Variants in LARP4 observed in about 807,000 individuals in gnomAD.
LARP4 encodes the protein La ribonucleoprotein 4, also known as la-related protein 4.
Under a neutral mutation model 92.9 loss-of-function variants are expected in LARP4, and 29 were observed. The observed-to-expected ratio is 0.31, with a 90% CI of 0.23 to 0.43. LARP4 has a LOEUF of 0.43. Ranked by LOEUF, LARP4 falls within the 20% of genes least tolerant of loss-of-function variation. The probability of loss-of-function intolerance (pLI) is 1.00; values close to 1 mark genes in which losing one functional copy is unlikely to be tolerated. For synonymous variants in LARP4, 279 were observed against 284.1 expected (o/e 0.98, Z 0.18); for missense variants, 732 against 860.0 (o/e 0.85, Z 1.86).
intron 13 of LARP4, among the ~76,000 whole-genome samples, chr12:50,469,622 A>AC (rs1464245956): frequency 1.3e-5 from 2 of 149,290 alleles, no homozygotes; most frequent in Non-Finnish European, 3.0e-5. Flanking sequence ...AAAAAAAAAA[A>AC]AGTAAAGGCG....
chr12:50,416,087 G>A (rs1282641996), intron 1 of LARP4, among the ~76,000 whole-genome samples: 1 of 152,194 alleles, frequency 6.6e-6, no homozygotes, highest in Non-Finnish European at 1.5e-5. Flanking sequence ...ATGGAAGGAA[G>A]TGAAGGTTCT....
At chr12:50,462,328 A>T (rs1955515408) in intron 11 of LARP4, among the ~76,000 whole-genome samples, 1 of 152,016 alleles carries the variant, frequency 6.6e-6, no homozygotes, top group South Asian at 2.1e-4. Context: ...ACAAATACCA[A>T]AATTAGCTGG....
intron 14 of LARP4, 108 bp from the exon 15 acceptor site, chr12:50,473,891 C>CA (rs1424360581): frequency 5.9e-6 from 5 of 847,126 alleles, no homozygotes; most frequent in Non-Finnish European, 9.2e-6. Context: ...GCCTGGGTGA[C>CA]AGAGTGAGAC....
chr12:50,469,384 C>G (rs1956610836), intron 13 of LARP4, among the ~76,000 whole-genome samples: 2 of 152,180 alleles, frequency 1.3e-5, no homozygotes, highest in South Asian at 4.1e-4. Flanking sequence ...GCAGGCAGAT[C>G]ACGAAGTCAG....
intron 10 of LARP4, among the ~76,000 whole-genome samples, chr12:50,455,173 T>G (rs947606408): frequency 1.3e-5 from 2 of 152,168 alleles, no homozygotes; most frequent in Non-Finnish European, 2.9e-5. Flanking sequence ...GTATTTTTCT[T>G]TATGTAGACA....
At chr12:50,405,417 A>T (rs1201371070) in intron 1 of LARP4, among the ~76,000 whole-genome samples, 4 of 150,948 alleles carry the variant, frequency 2.6e-5, no homozygotes, top group Non-Finnish European at 5.9e-5. Flanking sequence ...ATAGTAATTT[A>T]AAAAAATTTT....
chr12:50,410,464 A>G (rs924269453), intron 1 of LARP4, among the ~76,000 whole-genome samples: 21 of 145,792 alleles, frequency 1.4e-4, no homozygotes, highest in African/African-American at 5.1e-4. Context: ...GGAGTGCAGT[A>G]GTGCAATCTC....
chr12:50,458,862 A>C (rs889489928), intron 10 of LARP4, among the ~76,000 whole-genome samples: 8 of 152,226 alleles, frequency 5.3e-5, no homozygotes, highest in Non-Finnish European at 1.2e-4. Context: ...TGGTTGGTTT[A>C]ACCACATTGC....
chr12:50,417,929 T>C (rs1395259165), intron 1 of LARP4, among the ~76,000 whole-genome samples: 2 of 152,192 alleles, frequency 1.3e-5, no homozygotes, highest in Non-Finnish European at 2.9e-5. Context: ...GGCGCGATCT[T>C]GGTTCACTGC....
intron 1 of LARP4, among the ~76,000 whole-genome samples, chr12:50,417,291 C>A (rs1359314980): frequency 6.6e-6 from 1 of 151,302 alleles, no homozygotes; most frequent in Non-Finnish European, 1.5e-5. Flanking sequence ...CAGAGAATTG[C>A]TTGAACCCAG....
intron 4 of LARP4, among the ~76,000 whole-genome samples, chr12:50,434,522 G>A (rs1437184658): frequency 6.6e-6 from 1 of 150,460 alleles, no homozygotes; most frequent in South Asian, 2.1e-4. Flanking sequence ...AGGTTCAAGC[G>A]ATTCTCTTGC....
chr12:50,455,406 G>A (rs552735861), intron 10 of LARP4, among the ~76,000 whole-genome samples: 1 of 152,272 alleles, frequency 6.6e-6, no homozygotes, highest in African/African-American at 2.4e-5. Flanking sequence ...CTGACATATA[G>A]TCATTTCGAT....
chr12:50,468,273 C>T (rs1395047861), intron 13 of LARP4, among the ~76,000 whole-genome samples: 3 of 149,172 alleles, frequency 2.0e-5, no homozygotes, highest in African/African-American at 4.9e-5. Context: ...CCACTGCGCC[C>T]GGCCCTGTAT....
intron 12 of LARP4, among the ~76,000 whole-genome samples, chr12:50,465,988 C>T (rs1235963933): frequency 6.6e-6 from 1 of 151,968 alleles, no homozygotes; most frequent in Non-Finnish European, 1.5e-5. Flanking sequence ...GGAAAAAGAG[C>T]ACATGTCTGT....
chr12:50,432,633 G>A (rs552762198), intron 4 of LARP4, among the ~76,000 whole-genome samples: 1 of 152,218 alleles, frequency 6.6e-6, no homozygotes, highest in Non-Finnish European at 1.5e-5. Flanking sequence ...GCCAAGGCAG[G>A]CGGATCACCT....
chr12:50,426,684 G>GGT (rs762987529), intron 1 of LARP4, among the ~76,000 whole-genome samples: 15,988 of 85,916 alleles, frequency 0.19, 1,833 homozygotes, highest in Non-Finnish European at 0.22. Flanking sequence ...TTATGTTTGG[G>GGT]GTGTGTGTGT....
intron 8 of LARP4, among the ~76,000 whole-genome samples, chr12:50,443,100 G>T (rs1354196800): frequency 6.6e-6 from 1 of 152,154 alleles, no homozygotes; most frequent in Non-Finnish European, 1.5e-5. Context: ...TATAGTATAA[G>T]ATAGGAATCT....
rs1345753859 is a variant in LARP4, at chr12:50,446,425, ATATAT to A, written c.804+4784_804+4788del. Among the ~76,000 whole-genome samples the A allele has an allele frequency of 3.9e-3, 46 of 11,874 alleles. 9 individuals carry two copies. The highest frequency in any genetic ancestry group is 6.1e-3 in the Non-Finnish European group (42 of 6,910). 7.8% of individuals were successfully genotyped at this position (11,874 alleles called of 152,430 possible). A position where few individuals can be genotyped will look rare whatever the true frequency, so the allele number is the denominator to read the frequency against. ...TCTCTCTCTCTATATATATATATAT[ATATAT>A]TTTTTTTTTTTTTTATAGACGGAGT... is the stretch of plus-strand genomic sequence containing the variant. On this transcript the variant is annotated intron_variant, in intron 8 of 15. Transcript: ENST00000398473.
At chr12:50,459,724 T>C (rs1382175951) in intron 10 of LARP4, among the ~76,000 whole-genome samples, 1 of 148,800 alleles carries the variant, frequency 6.7e-6, no homozygotes, top group East Asian at 2.0e-4. Flanking sequence ...CTCGGGAGGC[T>C]GAGGCAGGAG....
Sources: allele counts gnomAD v4.1 joint callset (sites outside exome capture counted in the v4.1 genomes callset), GRCh38; gene constraint gnomAD v4.1.1; transcripts MANE v1.5; gene names NCBI Gene and HGNC (gene_info 2026-07-23, HGNC 2026-07-21).